SLC36A1: variants seen among roughly 807,000 people sequenced by gnomAD.
The protein encoded by SLC36A1 is solute carrier family 36 member 1.
Under a neutral mutation model 47.5 loss-of-function variants are expected in SLC36A1, and 30 were observed. The ratio of observed to expected loss-of-function variants is 0.63; its 90% CI spans 0.47 to 0.86. SLC36A1 has a LOEUF of 0.86. Ranked by LOEUF, SLC36A1 falls within the 40% of genes least tolerant of loss-of-function variation. The pLI is 0.00. For synonymous variants in SLC36A1, 255 were observed against 249.7 expected (o/e 1.02, Z -0.20); for missense variants, 517 against 606.0 (o/e 0.85, Z 1.54).
At chr5:151,525,380 G>A in the SLC36A1 span, among the ~76,000 whole-genome samples, 1 of 152,216 alleles carries the variant, frequency 6.6e-6, no homozygotes, top group Non-Finnish European at 1.5e-5. Flanking sequence ...TAGCTCCTGA[G>A]GTTCAGAGAG....
At chr5:151,385,988 T>C in the SLC36A1 span, among the ~76,000 whole-genome samples, 74,457 of 150,506 alleles carry the variant, frequency 0.49, 20,462 homozygotes, top group African/African-American at 0.75. Flanking sequence ...TCTCCTGCCT[T>C]ACCCTGCCGA....
chr5:151,365,401 C>T, the SLC36A1 span, among the ~76,000 whole-genome samples: 1 of 152,328 alleles, frequency 6.6e-6, no homozygotes, highest in African/African-American at 2.4e-5. Flanking sequence ...TCCTATTTGA[C>T]AGGCTCAGGG....
the SLC36A1 span, among the ~76,000 whole-genome samples, chr5:151,538,335 T>G: frequency 5.3e-5 from 8 of 152,170 alleles, no homozygotes; most frequent in Non-Finnish European, 8.8e-5. Context: ...AAGATGGGCC[T>G]GATATAGGCA....
chr5:151,520,946 T>C, the SLC36A1 span, among the ~76,000 whole-genome samples: 1 of 152,246 alleles, frequency 6.6e-6, no homozygotes, highest in Admixed American at 6.5e-5. Flanking sequence ...GAGGTTAATT[T>C]TCCTAAAGTC....
the SLC36A1 span, chr5:151,506,198 G>T: frequency 7.7e-7 from 1 of 1,295,584 alleles, no homozygotes; most frequent in Non-Finnish European, 1.0e-6. Context: ...GTGGAGATGG[G>T]AGTGGGTGGG....
the SLC36A1 span, chr5:151,527,494 C>A: frequency 6.4e-6 from 6 of 938,660 alleles, no homozygotes; most frequent in Non-Finnish European, 9.1e-6. Context: ...CCTATGCCCA[C>A]CCCCACTGCC....
At chr5:151,381,826 G>A in the SLC36A1 span, among the ~76,000 whole-genome samples, 5 of 152,086 alleles carry the variant, frequency 3.3e-5, no homozygotes, top group African/African-American at 1.2e-4. Context: ...CTTAAAAACT[G>A]CCCCTAAATG....
At chr5:151,430,070 A>G in the SLC36A1 span, among the ~76,000 whole-genome samples, 1 of 151,990 alleles carries the variant, frequency 6.6e-6, no homozygotes, top group Non-Finnish European at 1.5e-5. Flanking sequence ...GCTCTGTATT[A>G]GGAGGATATA....
intron 10 of SLC36A1, among the ~76,000 whole-genome samples, chr5:151,481,332 T>C (rs1226670773): frequency 1.3e-5 from 2 of 151,518 alleles, no homozygotes; most frequent in African/African-American, 4.8e-5. Flanking sequence ...CTGAGAGCAC[T>C]CGCCTCTCTC....
chr5:151,478,508 C>T (rs1341661014), intron 9 of SLC36A1, among the ~76,000 whole-genome samples: 2 of 152,086 alleles, frequency 1.3e-5, no homozygotes, highest in Admixed American at 1.3e-4. Flanking sequence ...GCCTCTTGGT[C>T]CTGCAGTGTC....
the SLC36A1 span, chr5:151,507,701 C>T: frequency 1.7e-6 from 2 of 1,198,394 alleles, no homozygotes; most frequent in Non-Finnish European, 2.3e-6. Context: ...GAGACTGCTC[C>T]CCCCAAAACC....
At chr5:151,361,482 G>A in the SLC36A1 span, among the ~76,000 whole-genome samples, 1 of 152,184 alleles carries the variant, frequency 6.6e-6, no homozygotes, top group Non-Finnish European at 1.5e-5. Context: ...GTCAAAAATA[G>A]TGAGAGAAAT....
At chr5:151,372,493 G>C in the SLC36A1 span, among the ~76,000 whole-genome samples, 523 of 151,804 alleles carry the variant, frequency 3.4e-3, 3 homozygotes, top group African/African-American at 0.012. Context: ...CCCTAGGCTA[G>C]AGTACAGTGG....
the SLC36A1 span, among the ~76,000 whole-genome samples, chr5:151,429,208 AT>A: frequency 3.3e-5 from 5 of 151,656 alleles, no homozygotes; most frequent in Non-Finnish European, 4.4e-5. Flanking sequence ...ATTTTTTAAA[AT>A]TTTTTTTATT....
chr5:151,434,868 C>T (rs138406170), upstream of SLC36A1, among the ~76,000 whole-genome samples: 24 of 152,210 alleles, frequency 1.6e-4, no homozygotes, highest in Admixed American at 1.2e-3. Flanking sequence ...TTTCGGTCTC[C>T]GGAACTGTGA....
chr5:151,380,510 C>A, the SLC36A1 span: 2 of 496,520 alleles, frequency 4.0e-6, no homozygotes, highest in African/African-American at 3.9e-5. Flanking sequence ...TGCCCTGCGG[C>A]AGTTCGTGTG....
the SLC36A1 span, among the ~76,000 whole-genome samples, chr5:151,405,974 G>C: frequency 6.6e-6 from 1 of 152,294 alleles, no homozygotes; most frequent in East Asian, 1.9e-4. Context: ...CTTACAGATA[G>C]GCTGTTACTC....
chr5:151,377,343 CT>C, the SLC36A1 span, among the ~76,000 whole-genome samples: 1 of 127,728 alleles, frequency 7.8e-6, no homozygotes, highest in African/African-American at 3.1e-5. Context: ...ATTGCTGTCT[CT>C]TTCTTTTTTT....
At chr5:151,479,770 G>T in intron 10 of SLC36A1, 2 of 525,632 alleles carry the variant, frequency 3.8e-6, no homozygotes, top group Non-Finnish European at 6.6e-6. Context: ...AAAGACATGC[G>T]ATTACTATCC....
Sources: gnomAD v4.1 joint callset for allele counts (sites outside exome capture counted in the v4.1 genomes callset) on GRCh38, gnomAD v4.1.1 for gene constraint, MANE v1.5 for transcripts, NCBI Gene and HGNC (gene_info 2026-07-23, HGNC 2026-07-21) for gene names.